The following ANK2 variants were observed in gnomAD, a reference collection of about 807,000 sequenced individuals.
ANK2 encodes the protein ankyrin 2, also known as ankyrin-2.
ANK2 carries 83 observed loss-of-function variants against 360.5 expected under a neutral mutation model. That is an observed-to-expected ratio of 0.23 (90% confidence interval 0.19 to 0.28). The LOEUF is 0.28. Ranked by LOEUF, ANK2 falls within the 10% of genes least tolerant of loss-of-function variation. ANK2 has a pLI of 1.00. For synonymous variants in ANK2, 1,740 were observed against 1,759.5 expected (o/e 0.99, Z 0.28); for missense variants, 4,201 against 4,795.7 (o/e 0.88, Z 3.66).
chr4:112,861,867 G>GAGAGAGAGAGAGAGAGAA (rs2068173686), intron 1 of ANK2, among the ~76,000 whole-genome samples: 1 of 151,568 alleles, frequency 6.6e-6, no homozygotes, highest in Non-Finnish European at 1.5e-5. Context: ...GAGAGAGAGA[G>GAGAGAGAGAGAGAGAGAA]AAACTCTCAC....
chr4:113,239,120 AG>A (rs1450532149), intron 7 of ANK2, among the ~76,000 whole-genome samples: 2 of 152,188 alleles, frequency 1.3e-5, no homozygotes, highest in Non-Finnish European at 2.9e-5. Flanking sequence ...AGCCAGGTTG[AG>A]GGCTGATTTT....
chr4:113,376,104 C>G (rs772250356), intron 45 of ANK2, among the ~76,000 whole-genome samples: 2 of 152,130 alleles, frequency 1.3e-5, no homozygotes, highest in Non-Finnish European at 1.5e-5. Context: ...TTCCACATGC[C>G]TAGTGTTCAC....
Position 113,175,505 on chromosome 4 carries a change from CTT to C in ANK2, c.186+990_186+991del, listed in dbSNP as rs199960501. 4.6e-5 allele frequency among the ~76,000 whole-genome samples: 7 copies of C among 152,182 alleles called. No homozygotes were observed. The East Asian group carries it at 9.6e-4, about 21-fold the overall frequency. On this transcript the variant is annotated intron_variant, in intron 2 of 45. Coordinates refer to ENST00000357077, the MANE Select transcript of ANK2 (RefSeq NM_001148.6). ...CCCCTCTCCAGCCCAGCACTCCTCT[CTT>C]TGTTCACCTTCTGCATCCAGATTAC...
chr4:113,256,497 A>G (rs1191582116), intron 11 of ANK2, among the ~76,000 whole-genome samples: 1 of 152,210 alleles, frequency 6.6e-6, no homozygotes, highest in Non-Finnish European at 1.5e-5. Context: ...ACACCATTTC[A>G]GGAACTGCTC....
intron 24 of ANK2, among the ~76,000 whole-genome samples, chr4:113,315,056 T>A (rs2082041821): frequency 6.6e-6 from 1 of 152,248 alleles, no homozygotes; most frequent in African/African-American, 2.4e-5. Context: ...TATATCACTT[T>A]GTCTCCTTCT....
chr4:113,237,503 G>C, intron 6 of ANK2, 96 bp from the exon 7 acceptor site: 1 of 1,253,488 alleles, frequency 8.0e-7, no homozygotes, highest in Non-Finnish European at 1.2e-6. Flanking sequence ...TGCCATGTTG[G>C]AACAGTATAC....
intron 1 of ANK2, chr4:113,145,545 C>G: frequency 4.1e-6 from 4 of 983,324 alleles, no homozygotes; most frequent in Non-Finnish European, 4.9e-6. Context: ...AACACCGCCC[C>G]CTCCCCTGCT....
chr4:113,176,709 C>T (rs1243933717), intron 2 of ANK2, among the ~76,000 whole-genome samples: 1 of 151,782 alleles, frequency 6.6e-6, no homozygotes, highest in Non-Finnish European at 1.5e-5. Context: ...ATACATGCGC[C>T]ATGTTGGTGT....
At chr4:112,912,949 G>C (rs989204672) in intron 2 of ANK2, among the ~76,000 whole-genome samples, 3 of 152,076 alleles carry the variant, frequency 2.0e-5, no homozygotes. Flanking sequence ...GGGGTGGTGT[G>C]GGGTAGGGGA....
chr4:113,041,299 A>G (rs2062888057), intron 2 of ANK2, among the ~76,000 whole-genome samples: 1 of 152,058 alleles, frequency 6.6e-6, no homozygotes, highest in Admixed American at 6.6e-5. Flanking sequence ...GCATCTTCCC[A>G]TGCCCCACTC....
At chr4:112,957,731 G>C (rs1207754359) in intron 2 of ANK2, among the ~76,000 whole-genome samples, 2 of 148,596 alleles carry the variant, frequency 1.3e-5, no homozygotes, top group Non-Finnish European at 3.0e-5. Context: ...GGTGGCTGCC[G>C]GGCGGAGACG....
At chr4:113,012,032 C>T (rs2054910739) in intron 2 of ANK2, among the ~76,000 whole-genome samples, 2 of 152,052 alleles carry the variant, frequency 1.3e-5, no homozygotes, top group African/African-American at 4.8e-5. Context: ...AAAGCAACAA[C>T]AACAACAACA....
At chr4:112,874,608 C>G (rs970465982) in intron 1 of ANK2, among the ~76,000 whole-genome samples, 3 of 143,706 alleles carry the variant, frequency 2.1e-5, no homozygotes, top group Non-Finnish European at 4.5e-5. Context: ...CACCACTGCA[C>G]TCCAGCTGGG....
chr4:112,954,023 A>C (rs1001501157), intron 2 of ANK2, among the ~76,000 whole-genome samples: 1 of 152,106 alleles, frequency 6.6e-6, no homozygotes, highest in East Asian at 1.9e-4. Flanking sequence ...GGTACTTTAT[A>C]GACTCAGAAA....
At chr4:112,763,800 G>C in the ANK2 span, among the ~76,000 whole-genome samples, 67 of 152,094 alleles carry the variant, frequency 4.4e-4, no homozygotes, top group Non-Finnish European at 7.8e-4. Context: ...GATTACAGGC[G>C]TGAGCTACCG....
At chr4:113,164,289 A>G (rs1309483435) in intron 1 of ANK2, among the ~76,000 whole-genome samples, 1 of 152,048 alleles carries the variant, frequency 6.6e-6, no homozygotes, top group East Asian at 1.9e-4. Context: ...CAAATGAAAA[A>G]CCAGTGTTTC....
chr4:113,112,554 T>G (rs1478566325), intron 1 of ANK2, among the ~76,000 whole-genome samples: 2 of 152,194 alleles, frequency 1.3e-5, no homozygotes, highest in African/African-American at 4.8e-5. Flanking sequence ...CCAGACTTCC[T>G]CTGTCATAAT....
chr4:112,964,794 C>T (rs1179721992), intron 2 of ANK2, among the ~76,000 whole-genome samples: 1 of 152,080 alleles, frequency 6.6e-6, no homozygotes, highest in Non-Finnish European at 1.5e-5. Flanking sequence ...TGGTCTCGAT[C>T]TCATGACCTC....
Position 112,910,182 on chromosome 4 carries a change from C to T in ANK2, c.21+5668C>T, listed in dbSNP as rs561490598. 9.9e-5 allele frequency among the ~76,000 whole-genome samples: 15 copies of T among 152,174 alleles called. 1 individual carries two copies. Among genetic ancestry groups the T allele is most frequent in the South Asian group, 6.2e-4 (3 of 4,824 alleles). On this transcript the variant is annotated intron_variant, in intron 2 of 30. Transcript: ENST00000503271. ...AATCAGTGAACTAAATCTGAAAATA[C>T]GGATCTCACAGAAAAGATCATGCCC...
Sources: allele counts gnomAD v4.1 joint callset (sites outside exome capture counted in the v4.1 genomes callset), GRCh38; gene constraint gnomAD v4.1.1; transcripts MANE v1.5; gene names NCBI Gene and HGNC (gene_info 2026-07-23, HGNC 2026-07-21).